The following ZNF385D variants were observed in gnomAD, a reference collection of about 807,000 sequenced individuals.
ZNF385D encodes the protein zinc finger protein 385D, also known as zinc finger protein 659.
Under a neutral mutation model 35.8 loss-of-function variants are expected in ZNF385D, and 15 were observed. The ratio of observed to expected loss-of-function variants is 0.42; its 90% CI spans 0.28 to 0.64. ZNF385D has a LOEUF of 0.64. Ranked by LOEUF, ZNF385D falls within the 30% of genes least tolerant of loss-of-function variation. The pLI, the probability that ZNF385D is intolerant of heterozygous loss-of-function variation, is 0.23. For missense variants in ZNF385D, 474 were observed against 494.6 expected, an observed-to-expected ratio of 0.96 and a Z score of 0.39; for synonymous variants, 212 against 186.8, an observed-to-expected ratio of 1.13 and a Z score of -1.10.
At chr3:21,653,280 GTA>G (rs777695605) in intron 2 of ZNF385D, among the ~76,000 whole-genome samples, 14 of 151,994 alleles carry the variant, frequency 9.2e-5, no homozygotes, top group Non-Finnish European at 1.8e-4. Context: ...CTTAACATGT[GTA>G]TATATGTGTG....
intron 3 of ZNF385D, among the ~76,000 whole-genome samples, chr3:21,545,141 G>A (rs1217826305): frequency 1.3e-5 from 2 of 152,168 alleles, no homozygotes; most frequent in Non-Finnish European, 2.9e-5. Context: ...TCCCTGTTGT[G>A]TTTCTAACTG....
At chr3:22,143,017 TA>T (rs112706471) in intron 3 of ZNF385D, among the ~76,000 whole-genome samples, 149 of 132,648 alleles carry the variant, frequency 1.1e-3, no homozygotes, top group African/African-American at 2.6e-3. Flanking sequence ...ACAATAATAA[TA>T]AAAAAAAAAG....
intron 1 of ZNF385D, among the ~76,000 whole-genome samples, chr3:21,697,115 G>C (rs1461507766): frequency 6.6e-6 from 1 of 152,112 alleles, no homozygotes; most frequent in Non-Finnish European, 1.5e-5. Context: ...TGTGACTTAG[G>C]GAGAGGTACT....
At chr3:22,210,103 C>G (rs1235286958) in intron 2 of ZNF385D, among the ~76,000 whole-genome samples, 1 of 151,480 alleles carries the variant, frequency 6.6e-6, no homozygotes, top group Admixed American at 6.6e-5. Flanking sequence ...CCATTTATAC[C>G]AGCCAAGTCC....
intron 3 of ZNF385D, among the ~76,000 whole-genome samples, chr3:22,161,147 T>C (rs1705923336): frequency 6.6e-6 from 1 of 152,012 alleles, no homozygotes; most frequent in Admixed American, 6.6e-5. Flanking sequence ...ATGAGTAAAA[T>C]CTTAATGCTT....
intron 1 of ZNF385D, among the ~76,000 whole-genome samples, chr3:21,738,987 T>C (rs1405715130): frequency 6.6e-6 from 1 of 152,164 alleles, no homozygotes; most frequent in Non-Finnish European, 1.5e-5. Flanking sequence ...CACTTACCAG[T>C]GATAATAGAA....
chr3:21,833,171 A>G (rs1695108978), intron 3 of ZNF385D, among the ~76,000 whole-genome samples: 1 of 152,202 alleles, frequency 6.6e-6, no homozygotes, highest in Admixed American at 6.5e-5. Context: ...GAAAGGCAAG[A>G]ATCCTGTATT....
At chr3:22,175,114 T>C (rs1048839476) in intron 2 of ZNF385D, among the ~76,000 whole-genome samples, 2 of 152,022 alleles carry the variant, frequency 1.3e-5, no homozygotes, top group Non-Finnish European at 2.9e-5. Context: ...GTAATTTGTA[T>C]GATATATACA....
intron 3 of ZNF385D, among the ~76,000 whole-genome samples, chr3:21,841,347 C>G (rs942499195): frequency 5.9e-5 from 9 of 151,812 alleles, no homozygotes; most frequent in Non-Finnish European, 1.2e-4. Flanking sequence ...TATAAATATC[C>G]ATTTATGTAT....
In ZNF385D at chr3:21,874,707, T is replaced by C. The variant is rs1353428723; in HGVS notation, c.326-209679A>G. Among the ~76,000 whole-genome samples, 21 of 152,240 alleles carry C rather than the reference T, an allele frequency of 1.4e-4. No homozygotes were observed. The East Asian group carries it at 3.5e-3, about 25-fold the overall frequency. ...CTTTGTTCTTTTTCAAGATATTTTA[T>C]GGCTATTTGTGGTCCTTTGTGATTC... On this transcript the variant is annotated intron_variant, in intron 3 of 5. Transcript: ENST00000494108.
chr3:22,084,320 G>A (rs1487626803), intron 3 of ZNF385D, among the ~76,000 whole-genome samples: 1 of 152,146 alleles, frequency 6.6e-6, no homozygotes, highest in Non-Finnish European at 1.5e-5. Context: ...TCAGTGTACT[G>A]TATTCAGGAG....
chr3:22,104,936 T>C (rs989144270), intron 3 of ZNF385D, among the ~76,000 whole-genome samples: 1 of 152,198 alleles, frequency 6.6e-6, no homozygotes, highest in African/African-American at 2.4e-5. Context: ...AATGTTTTAC[T>C]GAAGCTTGTT....
intron 3 of ZNF385D, among the ~76,000 whole-genome samples, chr3:21,857,133 G>A (rs538118306): frequency 6.6e-6 from 1 of 152,026 alleles, no homozygotes; most frequent in South Asian, 2.1e-4. Flanking sequence ...CAACTCTCCC[G>A]ATCCTCTTGG....
intron 3 of ZNF385D, among the ~76,000 whole-genome samples, chr3:21,943,139 T>C (rs1432750862): frequency 6.6e-6 from 1 of 152,020 alleles, no homozygotes; most frequent in Non-Finnish European, 1.5e-5. Context: ...ATGAGGGAAG[T>C]ATTAATTTAT....
At chr3:21,578,828 T>C (rs1316160748) in intron 2 of ZNF385D, among the ~76,000 whole-genome samples, 1 of 152,214 alleles carries the variant, frequency 6.6e-6, no homozygotes, top group Admixed American at 6.5e-5. Flanking sequence ...TCTTTTGTGG[T>C]TCCATATGAA....
intron 4 of ZNF385D, among the ~76,000 whole-genome samples, chr3:21,452,950 A>G (rs6799688): frequency 0.61 from 92,085 of 151,490 alleles, 28,596 homozygotes; most frequent in East Asian, 0.8. Context: ...TAAAGTTAGA[A>G]GAATCACACT....
At chr3:21,428,476 T>C (rs942203114) in intron 5 of ZNF385D, among the ~76,000 whole-genome samples, 1 of 152,204 alleles carries the variant, frequency 6.6e-6, no homozygotes, top group East Asian at 1.9e-4. Context: ...CTGAATTCAG[T>C]TACACACAAA....
intron 2 of ZNF385D, among the ~76,000 whole-genome samples, chr3:21,589,982 A>ATAGACTGTAAAGACTCATGC (rs1186161996): frequency 1.3e-4 from 20 of 152,160 alleles, no homozygotes; most frequent in Non-Finnish European, 2.5e-4. Context: ...TTTCTAGGTA[A>ATAGACTGTAAAGACTCATGC]TAGACTGTAA....
intron 2 of ZNF385D, among the ~76,000 whole-genome samples, chr3:22,356,976 A>C (rs1347197151): frequency 6.6e-6 from 1 of 151,982 alleles, no homozygotes; most frequent in Admixed American, 6.6e-5. Flanking sequence ...AATGTATAGG[A>C]AACAAGATAG....
Sources: allele counts gnomAD v4.1 joint callset (sites outside exome capture counted in the v4.1 genomes callset), GRCh38; gene constraint gnomAD v4.1.1; transcripts MANE v1.5; gene names NCBI Gene and HGNC (gene_info 2026-07-23, HGNC 2026-07-21).